Variants in PIK3IP1 observed in about 807,000 individuals in gnomAD.
PIK3IP1 encodes the protein phosphoinositide-3-kinase interacting protein 1.
A neutral mutation model predicts 30.7 loss-of-function variants in PIK3IP1; 28 were observed. That is an observed-to-expected ratio of 0.91 (90% CI 0.68 to 1.25). The LOEUF (loss-of-function observed/expected upper bound fraction) is 1.25, where lower values mean the gene tolerates loss of function less well. PIK3IP1 is among the 50% of genes most tolerant of loss of function. PIK3IP1 has a pLI of 0.00. For missense variants in PIK3IP1, 333 were observed against 346.2 expected, an observed-to-expected ratio of 0.96 and a Z score of 0.30; for synonymous variants, 159 against 140.8, an observed-to-expected ratio of 1.13 and a Z score of -0.91.
intron 5 of PIK3IP1, among the ~76,000 whole-genome samples, chr22:31,287,014 CTTTTT>C (rs11427273): frequency 1.0e-5 from 1 of 98,644 alleles, no homozygotes; most frequent in Non-Finnish European, 2.0e-5. Context: ...CCATTACCCA[CTTTTT>C]TTTTTTTTTT....
chr22:31,286,918 C>G (rs954801787), intron 5 of PIK3IP1, among the ~76,000 whole-genome samples: 2 of 152,042 alleles, frequency 1.3e-5, no homozygotes, highest in Non-Finnish European at 2.9e-5. Context: ...CAACCTCAGA[C>G]TGGGCGTCAG....
Position 31,292,422 on chromosome 22 carries a change from A to G in PIK3IP1, c.-78T>C. 2.4e-6 allele frequency: 3 copies of G among 1,257,442 alleles called. No homozygotes were observed. In the South Asian group the frequency reaches 3.6e-5, roughly 15 times the overall value. The allele number at this position is 1,257,442 out of a possible 1,614,324, so 77.9% of individuals were successfully genotyped here. A position where few individuals can be genotyped will look rare whatever the true frequency, so the allele number is the denominator to read the frequency against. On this transcript the variant is annotated 5_prime_UTR_variant, in exon 1 of 6. Transcript: ENST00000215912. ...CCCCTTGGCGGCGGCTCTGCCTCCC[A>G]GTCCCAGCCTTGCAGTCAGACCTGC... is the stretch of plus-strand genomic sequence containing the variant.
chr22:31,283,547 A>G (rs2049106697), intron 5 of PIK3IP1, among the ~76,000 whole-genome samples: 1 of 152,050 alleles, frequency 6.6e-6, no homozygotes, highest in Non-Finnish European at 1.5e-5. Flanking sequence ...TATGGACTTC[A>G]TACAGCTTCA....
intron 5 of PIK3IP1, among the ~76,000 whole-genome samples, chr22:31,288,730 T>C (rs1050088229): frequency 2.0e-5 from 3 of 152,260 alleles, no homozygotes; most frequent in Admixed American, 6.5e-5. Flanking sequence ...GTAGCCTCTT[T>C]GGCTTTCTCA....
At chr22:31,290,714 G>GAGACCTAGCCT (rs1333283374) in intron 3 of PIK3IP1, 5 of 478,714 alleles carry the variant, frequency 1.0e-5, no homozygotes, top group Non-Finnish European at 1.8e-5. Flanking sequence ...GCGCGGCGGA[G>GAGACCTAGCCT]AGACCTAGCC....
In PIK3IP1 at chr22:31,289,045, G is replaced by T. The variant is rs911647428; in HGVS notation, c.587+270C>A. 5.2e-6 allele frequency: 3 copies of T among 573,224 alleles called. No homozygotes were observed. In the Admixed American group the frequency reaches 9.8e-5, roughly 19 times the overall value. The allele number at this position is 573,224 out of a possible 1,614,324, so 35.5% of individuals were successfully genotyped here. On this transcript the variant is annotated intron_variant, in intron 5 of 5. Coordinates refer to ENST00000215912, the MANE Select transcript of PIK3IP1 (RefSeq NM_052880.5). Reference sequence around the variant, plus strand: ...TGAATCCAGGTTCTGCCACTCCTAGGCTATGTGACTTTGAGCAAGTCTCTG... The same window carrying T: ...TGAATCCAGGTTCTGCCACTCCTAGTCTATGTGACTTTGAGCAAGTCTCTG...
In PIK3IP1 at chr22:31,283,060, T is replaced by C; in HGVS notation, c.*24A>G. Reference sequence around the variant, plus strand: ...GGGCTGTCCTGCACCAGTGTCTGCATGGGCTCCTGCCCACTGGGGGGGCTC... The same window carrying C: ...GGGCTGTCCTGCACCAGTGTCTGCACGGGCTCCTGCCCACTGGGGGGGCTC... On this transcript the variant is annotated 3_prime_UTR_variant, in exon 6 of 6. Coordinates refer to ENST00000215912, the MANE Select transcript of PIK3IP1 (RefSeq NM_052880.5). 2 of 1,558,450 alleles carry C rather than the reference T, an allele frequency of 1.3e-6. No homozygotes were observed. Among genetic ancestry groups the C allele is most frequent in the Non-Finnish European group, 1.7e-6 (2 of 1,147,266 alleles).
At chr22:31,288,769 T>A (rs1401387043) in intron 5 of PIK3IP1, among the ~76,000 whole-genome samples, 2 of 152,268 alleles carry the variant, frequency 1.3e-5, no homozygotes, top group Non-Finnish European at 1.5e-5. Context: ...AAACAGACTT[T>A]CTGTTCTCCA....
chr22:31,285,201 G>T (rs1236399601), intron 5 of PIK3IP1, among the ~76,000 whole-genome samples: 1 of 152,190 alleles, frequency 6.6e-6, no homozygotes, highest in African/African-American at 2.4e-5. Context: ...GTGCCACACT[G>T]CTGCTCAGGA....
chr22:31,288,476 C>T (rs1014192313), intron 5 of PIK3IP1, among the ~76,000 whole-genome samples: 2 of 152,086 alleles, frequency 1.3e-5, no homozygotes, highest in Non-Finnish European at 2.9e-5. Flanking sequence ...TGTCACTTTC[C>T]TCACAGGAAG....
intron 3 of PIK3IP1, chr22:31,290,388 C>CAAAAAAT: frequency 6.6e-6 from 1 of 152,100 alleles, no homozygotes; most frequent in Non-Finnish European, 1.5e-5. Context: ...GACTCCGTCT[C>CAAAAAAT]AAAAAATAAA....
chr22:31,282,892 T>C lies in PIK3IP1; in HGVS notation c.*192A>G. The C allele has an allele frequency of 1.7e-6, 1 of 586,038 alleles. No individual in the cohort carries two copies. Among genetic ancestry groups the C allele is most frequent in the Non-Finnish European group, 3.0e-6 (1 of 328,838 alleles). The allele number at this position is 586,038 out of a possible 1,614,324, so 36.3% of individuals were successfully genotyped here. On this transcript the variant is annotated 3_prime_UTR_variant, in exon 6 of 6. Coordinates refer to ENST00000215912, the MANE Select transcript of PIK3IP1 (RefSeq NM_052880.5). The stretch of plus-strand genomic sequence containing the variant: ...GCTCCAAGGGATGGACAAGGAGCAC[T>C]GTTAGGACCCTACCCAGCCTTACCC...
chr22:31,290,742 C>A (rs984742356), intron 3 of PIK3IP1: 1 of 592,198 alleles, frequency 1.7e-6, no homozygotes, highest in Non-Finnish European at 2.7e-6. Flanking sequence ...AGCCTCGCCC[C>A]GCGCAGTTGT....
intron 1 of PIK3IP1, among the ~76,000 whole-genome samples, chr22:31,291,511 C>T (rs963425777): frequency 6.6e-6 from 1 of 151,544 alleles, no homozygotes; most frequent in Admixed American, 6.6e-5. Flanking sequence ...GGTGTGAAGC[C>T]CCCAGCCTGT....
chr22:31,287,689 C>A (rs1303891176), intron 5 of PIK3IP1, among the ~76,000 whole-genome samples: 1 of 152,090 alleles, frequency 6.6e-6, no homozygotes, highest in Non-Finnish European at 1.5e-5. Flanking sequence ...ATGTGCCACA[C>A]CCTGAGCTAA....
At chr22:31,289,440 T>C in intron 4 of PIK3IP1, 47 bp from the exon 5 acceptor site, 1 of 1,565,662 alleles carries the variant, frequency 6.4e-7, no homozygotes, top group Non-Finnish European at 8.7e-7. Flanking sequence ...CCCTAGACAA[T>C]CAGCAAATGA....
chr22:31,287,457 A>G (rs1284160187), intron 5 of PIK3IP1, among the ~76,000 whole-genome samples: 1 of 150,646 alleles, frequency 6.6e-6, no homozygotes, highest in African/African-American at 2.5e-5. Context: ...CAGCCTCCCA[A>G]GTAGCCGGGA....
chr22:31,287,887 C>A (rs977578350), intron 5 of PIK3IP1, among the ~76,000 whole-genome samples: 1 of 152,096 alleles, frequency 6.6e-6, no homozygotes, highest in Non-Finnish European at 1.5e-5. Flanking sequence ...ACAGCATTTA[C>A]CTCATAAGGG....
At chr22:31,286,923 C>T (rs968528211) in intron 5 of PIK3IP1, among the ~76,000 whole-genome samples, 9 of 151,868 alleles carry the variant, frequency 5.9e-5, no homozygotes, top group East Asian at 1.9e-4. Flanking sequence ...TCAGACTGGG[C>T]GTCAGGATGT....
Sources: allele counts gnomAD v4.1 joint callset (sites outside exome capture counted in the v4.1 genomes callset), GRCh38; gene constraint gnomAD v4.1.1; transcripts MANE v1.5; gene names NCBI Gene and HGNC (gene_info 2026-07-23, HGNC 2026-07-21).